Variants in SNTG1 observed in about 807,000 individuals in gnomAD.
SNTG1 encodes the protein syntrophin gamma 1.
In SNTG1, 39 loss-of-function variants were observed where a neutral mutation model predicts 74.7. That is an observed-to-expected ratio of 0.52 (90% CI 0.40 to 0.68). SNTG1 has a LOEUF of 0.68. Among genes scored for constraint, SNTG1 ranks in the 30% least tolerant of loss-of-function variants. SNTG1 has a pLI of 0.00. For synonymous variants in SNTG1, 254 were observed against 217.1 expected (o/e 1.17, Z -1.49); for missense variants, 685 against 609.5 (o/e 1.12, Z -1.30).
At chr8:50,204,047 T>A (rs1232259429) in intron 2 of SNTG1, among the ~76,000 whole-genome samples, 2 of 152,128 alleles carry the variant, frequency 1.3e-5, no homozygotes, top group Non-Finnish European at 2.9e-5. Flanking sequence ...ATTTAGTAGA[T>A]ACATTTTGTA....
rs149690851 is a variant in SNTG1, at chr8:50,066,395, C to T, written c.-102-106166C>T. ...TACCATAGTCAAGCTAATTAACATACTCATCATCTCACATAGTTTTTAAAA... is the reference window on the plus strand; with the variant it reads ...TACCATAGTCAAGCTAATTAACATATTCATCATCTCACATAGTTTTTAAAA... On this transcript the variant is annotated intron_variant, in intron 1 of 18. Coordinates refer to ENST00000642720, the MANE Select transcript of SNTG1 (RefSeq NM_018967.5). 2.1e-3 allele frequency among the ~76,000 whole-genome samples: 313 copies of T among 152,148 alleles called. 4 individuals carry two copies. The highest frequency in any genetic ancestry group is 5.8e-3 in the East Asian group (30 of 5,174).
chr8:50,434,298 AT>A (rs1174685583), intron 4 of SNTG1, among the ~76,000 whole-genome samples: 1 of 152,172 alleles, frequency 6.6e-6, no homozygotes, highest in African/African-American at 2.4e-5. Flanking sequence ...ATTGATGGAC[AT>A]TTGGGTTAGT....
At chr8:50,507,370 A>T (rs942207781) in intron 9 of SNTG1, among the ~76,000 whole-genome samples, 1 of 151,944 alleles carries the variant, frequency 6.6e-6, no homozygotes, top group African/African-American at 2.4e-5. Flanking sequence ...CCCTCATCAA[A>T]TTTTTTTGAA....
chr8:50,087,794 A>C, intron 1 of SNTG1, among the ~76,000 whole-genome samples: 1 of 151,778 alleles, frequency 6.6e-6, no homozygotes, highest in Non-Finnish European at 1.5e-5. Context: ...TTTATTTTTT[A>C]TTATACTTTA....
At chr8:50,605,545 G>T (rs771590499) in intron 13 of SNTG1, among the ~76,000 whole-genome samples, 25 of 151,936 alleles carry the variant, frequency 1.6e-4, no homozygotes, top group Non-Finnish European at 2.9e-4. Flanking sequence ...TGGCAAGCCC[G>T]CCAGTCGCTG....
At chr8:50,085,955 G>T (rs1822844732) in intron 1 of SNTG1, among the ~76,000 whole-genome samples, 1 of 152,144 alleles carries the variant, frequency 6.6e-6, no homozygotes, top group Admixed American at 6.6e-5. Context: ...CCTGAGGACT[G>T]CTGGCGTAGC....
At chr8:50,345,695 T>C (rs1260062463) in intron 2 of SNTG1, among the ~76,000 whole-genome samples, 1 of 152,192 alleles carries the variant, frequency 6.6e-6, no homozygotes, top group Non-Finnish European at 1.5e-5. Flanking sequence ...ACTATAGACG[T>C]TTATCAATTT....
intron 2 of SNTG1, among the ~76,000 whole-genome samples, chr8:50,230,197 A>G (rs1412568970): frequency 6.6e-6 from 1 of 151,536 alleles, no homozygotes; most frequent in African/African-American, 2.4e-5. Flanking sequence ...CTAAAGCAAC[A>G]GAAGAAAAGT....
chr8:50,397,776 C>T (rs992043487), intron 3 of SNTG1, among the ~76,000 whole-genome samples: 2 of 152,050 alleles, frequency 1.3e-5, no homozygotes, highest in Non-Finnish European at 2.9e-5. Flanking sequence ...TCTGTGTATG[C>T]GGGATAGCAG....
intron 15 of SNTG1, among the ~76,000 whole-genome samples, chr8:50,687,437 G>A (rs1312054286): frequency 1.3e-5 from 2 of 152,046 alleles, no homozygotes; most frequent in Admixed American, 6.6e-5. Context: ...GGAAGAAATC[G>A]AAAAAGACAT....
chr8:50,431,376 G>C (rs1411937583), intron 4 of SNTG1, among the ~76,000 whole-genome samples: 2 of 152,086 alleles, frequency 1.3e-5, no homozygotes, highest in Non-Finnish European at 2.9e-5. Flanking sequence ...CAGCTTGATT[G>C]CTCATTTTTA....
chr8:50,227,983 CA>C (rs1272681222), intron 2 of SNTG1, among the ~76,000 whole-genome samples: 1 of 142,608 alleles, frequency 7.0e-6, no homozygotes, highest in Non-Finnish European at 1.5e-5. Flanking sequence ...AGAGACAAAT[CA>C]AAAATTAAAA....
At position 50,439,314 on chromosome 8, in the gene SNTG1, A is replaced by G. The variant is rs184087844; in HGVS notation, c.219+715A>G. Among the ~76,000 whole-genome samples, 234 of 152,244 alleles carry G rather than the reference A, an allele frequency of 1.5e-3. 2 individuals carry two copies. The highest frequency in any genetic ancestry group is 0.01 in the Middle Eastern group (3 of 294). ...ACCTACATCTCTTCATAGATAAATGAAGTTTAACTTTATAATTATTGGGTT... is the reference window on the plus strand; with the variant it reads ...ACCTACATCTCTTCATAGATAAATGGAGTTTAACTTTATAATTATTGGGTT... On this transcript the variant is annotated intron_variant, in intron 5 of 18. Transcript: ENST00000642720.
At chr8:50,060,698 A>T (rs1027507081) in intron 1 of SNTG1, among the ~76,000 whole-genome samples, 5 of 152,088 alleles carry the variant, frequency 3.3e-5, no homozygotes, top group African/African-American at 1.2e-4. Context: ...ACAGCTTTTT[A>T]AAATGCTATT....
At chr8:50,222,742 T>C (rs1209842131) in intron 2 of SNTG1, among the ~76,000 whole-genome samples, 1 of 152,128 alleles carries the variant, frequency 6.6e-6, no homozygotes, top group East Asian at 1.9e-4. Flanking sequence ...TCAGCGGGGA[T>C]TGCTTCTCAG....
intron 15 of SNTG1, among the ~76,000 whole-genome samples, chr8:50,682,562 C>T (rs1294103211): frequency 6.6e-6 from 1 of 152,200 alleles, no homozygotes; most frequent in African/African-American, 2.4e-5. Context: ...CATACTGACA[C>T]ACTGATTCCT....
chr8:50,519,569 C>A (rs892626348), intron 9 of SNTG1, among the ~76,000 whole-genome samples: 1 of 152,180 alleles, frequency 6.6e-6, no homozygotes, highest in Non-Finnish European at 1.5e-5. Flanking sequence ...TATCTCAGCC[C>A]TAAATCTCTT....
intron 1 of SNTG1, among the ~76,000 whole-genome samples, chr8:49,922,737 T>C (rs1378660900): frequency 6.6e-6 from 1 of 152,192 alleles, no homozygotes; most frequent in Non-Finnish European, 1.5e-5. Flanking sequence ...TTTAGAGTTG[T>C]ATAAAAGTAT....
At chr8:50,391,608 C>G (rs1484784583) in intron 2 of SNTG1, among the ~76,000 whole-genome samples, 1 of 152,142 alleles carries the variant, frequency 6.6e-6, no homozygotes, top group East Asian at 1.9e-4. Context: ...GGAGGATTCC[C>G]TCTTTTTCTA....
Sources: allele counts gnomAD v4.1 joint callset (sites outside exome capture counted in the v4.1 genomes callset), GRCh38; gene constraint gnomAD v4.1.1; transcripts MANE v1.5; gene names NCBI Gene and HGNC (gene_info 2026-07-23, HGNC 2026-07-21).